The following WDR7 variants were observed in gnomAD, a reference collection of about 807,000 sequenced individuals.
WDR7 encodes the protein WD repeat domain 7, also known as WD repeat-containing protein 7.
In WDR7, 46 loss-of-function variants were observed where a neutral mutation model predicts 169.4. That is an observed-to-expected ratio of 0.27 (90% CI 0.21 to 0.35). The LOEUF is 0.35. WDR7 is among the 10% of genes least tolerant of loss of function. WDR7 has a pLI of 1.00. For synonymous variants in WDR7, 612 were observed against 666.8 expected (o/e 0.92, Z 1.27); for missense variants, 1,534 against 1,859.3 (o/e 0.83, Z 3.22).
intron 26 of WDR7, among the ~76,000 whole-genome samples, chr18:57,001,931 C>G (rs764712764): frequency 6.6e-6 from 1 of 152,204 alleles, no homozygotes; most frequent in East Asian, 1.9e-4. Flanking sequence ...AACTAGAAAA[C>G]TGGGCCTGTC....
In WDR7 at chr18:56,686,013, C is replaced by T. The variant is rs377392869; in HGVS notation, c.578C>T (p.Ser193Leu). The T allele has an allele frequency of 9.4e-6, 15 of 1,594,046 alleles. No individual in the cohort carries two copies. Among genetic ancestry groups the T allele is most frequent in the Middle Eastern group, 1.7e-4 (1 of 6,024 alleles). Residue 193 changes from serine to leucine, a missense_variant, in exon 6 of 28, where the codon TCG (serine) becomes TTG (leucine). By Grantham distance (145) the Ser-to-Leu change is moderately radical (BLOSUM62 -2). Transcript: ENST00000254442. Reference protein sequence around the residue: ...TGILKVWIVTSEISDMQDTEP... With the variant: ...TGILKVWIVTLEISDMQDTEP... ...ATCCTGAAGGTCTGGATTGTTACCT[C>T]GGAAATAAGTGACATGCAGGTGAGA...
intron 14 of WDR7, among the ~76,000 whole-genome samples, chr18:56,754,313 ATATATATGTGTGTATATATACG>A (rs1434770670): frequency 6.8e-6 from 1 of 147,824 alleles, no homozygotes; most frequent in Non-Finnish European, 1.5e-5. Context: ...ATGTATATAC[ATATATATGTGTGTATATATACG>A]TATATATGTG....
chr18:56,979,139 G>T (rs1316918228), intron 26 of WDR7, among the ~76,000 whole-genome samples: 1 of 152,058 alleles, frequency 6.6e-6, no homozygotes, highest in Non-Finnish European at 1.5e-5. Context: ...AATGATTTTT[G>T]CCTATATATG....
chr18:56,761,774 T>C (rs939614797), intron 16 of WDR7, among the ~76,000 whole-genome samples: 2 of 151,990 alleles, frequency 1.3e-5, no homozygotes, highest in African/African-American at 4.8e-5. Context: ...TAACTGGTAA[T>C]GTTTAGCTAT....
chr18:56,731,302 T>G, intron 13 of WDR7, 81 bp from the exon 14 acceptor site: 1 of 1,480,364 alleles, frequency 6.8e-7, no homozygotes, highest in Non-Finnish European at 9.0e-7. Flanking sequence ...CTTAAAAAAT[T>G]TTCATACCAT....
At chr18:57,008,142 G>A (rs182455645) in intron 26 of WDR7, among the ~76,000 whole-genome samples, 109 of 151,972 alleles carry the variant, frequency 7.2e-4, no homozygotes, top group Non-Finnish European at 1.1e-3. Flanking sequence ...CCCTCCCCAG[G>A]GTCTTCTTTC....
chr18:57,017,078 G>T (rs985285951), intron 26 of WDR7, among the ~76,000 whole-genome samples: 2 of 152,232 alleles, frequency 1.3e-5, no homozygotes, highest in African/African-American at 4.8e-5. Flanking sequence ...TACAAGTTCT[G>T]TGCGATCCGC....
chr18:56,691,253 G>T lies in WDR7; in HGVS notation c.755G>T (p.Gly252Val). The part of the protein sequence containing the change: ...DAGDYSLLCS[G>V]PSENGQTWTG... Reference sequence around the variant, plus strand: ...GGAGACTATTCCTTGTTGTGTTCAGGTCCTAGTGAAAATGGACAGACATGG... The same window carrying T: ...GGAGACTATTCCTTGTTGTGTTCAGTTCCTAGTGAAAATGGACAGACATGG... Residue 252 changes from glycine (G) to valine (V), a missense_variant, in exon 8 of 28, where the codon GGT (glycine) becomes GTT (valine). By Grantham distance (109) the Gly-to-Val change is moderately radical. Coordinates refer to ENST00000254442, the MANE Select transcript of WDR7 (RefSeq NM_015285.3). 6.2e-7 allele frequency: 1 copy of T among 1,610,190 alleles called. No homozygotes were observed. Among genetic ancestry groups the T allele is most frequent in the Non-Finnish European group, 8.5e-7 (1 of 1,179,160 alleles).
intron 19 of WDR7, among the ~76,000 whole-genome samples, chr18:56,814,151 T>C (rs2044924271): frequency 6.6e-6 from 1 of 152,212 alleles, no homozygotes; most frequent in African/African-American, 2.4e-5. Context: ...GAACAATTAC[T>C]TAGCCTCTCT....
In WDR7 at chr18:56,940,011, A is replaced by G. The variant is rs375255154; in HGVS notation, c.4064+618A>G. ...TTTAGAGCCAAAGTGTAGTAACGTT[A>G]TGTTTATTTTTCTTTCAAAGCTGTT... On this transcript the variant is annotated intron_variant, in intron 25 of 27. Coordinates refer to ENST00000254442, the MANE Select transcript of WDR7 (RefSeq NM_015285.3). Among the ~76,000 whole-genome samples, 9 of 151,862 alleles carry G rather than the reference A, an allele frequency of 5.9e-5. No homozygotes were observed. The East Asian group carries it at 1.5e-3, about 26-fold the overall frequency.
chr18:56,767,772 G>T (rs576160880), intron 16 of WDR7, among the ~76,000 whole-genome samples: 13 of 152,228 alleles, frequency 8.5e-5, no homozygotes, highest in African/African-American at 2.9e-4. Context: ...ATGGAAACAG[G>T]CTTATACTGG....
At chr18:56,970,409 T>C (rs1370079612) in intron 26 of WDR7, among the ~76,000 whole-genome samples, 1 of 152,200 alleles carries the variant, frequency 6.6e-6, no homozygotes, top group African/African-American at 2.4e-5. Flanking sequence ...CCTACTGATA[T>C]TCTGTTCTTC....
At chr18:56,884,185 G>T (rs1599128251) in intron 21 of WDR7, among the ~76,000 whole-genome samples, 1 of 152,070 alleles carries the variant, frequency 6.6e-6, no homozygotes, top group East Asian at 1.9e-4. Context: ...ATTATTTTTT[G>T]ATCATGGCCA....
chr18:56,766,756 T>G, intron 16 of WDR7, among the ~76,000 whole-genome samples: 1 of 150,684 alleles, frequency 6.6e-6, no homozygotes, highest in East Asian at 2.0e-4. Flanking sequence ...ATTTGGGTCT[T>G]AAAATTTTTT....
intron 21 of WDR7, among the ~76,000 whole-genome samples, chr18:56,909,957 A>C (rs2046530870): frequency 6.6e-6 from 1 of 152,138 alleles, no homozygotes; most frequent in African/African-American, 2.4e-5. Flanking sequence ...AGCCTGAAAA[A>C]AGATAGCACA....
chr18:56,763,511 G>T (rs1277102503), intron 16 of WDR7, among the ~76,000 whole-genome samples: 2 of 152,124 alleles, frequency 1.3e-5, no homozygotes, highest in Non-Finnish European at 2.9e-5. Flanking sequence ...TTTGTTAAGG[G>T]TGTTCATGTG....
intron 20 of WDR7, among the ~76,000 whole-genome samples, chr18:56,857,768 A>G (rs75223400): frequency 6.6e-6 from 1 of 152,138 alleles, no homozygotes; most frequent in Non-Finnish European, 1.5e-5. Flanking sequence ...AAGCCTGTGA[A>G]TGCTGCTGGG....
chr18:57,009,792 A>T (rs1367952503), intron 26 of WDR7: 8 of 944,222 alleles, frequency 8.5e-6, no homozygotes, highest in Non-Finnish European at 8.8e-6. Flanking sequence ...AAAAAATATA[A>T]ATTCCCTAGC....
chr18:56,879,625 G>T lies in WDR7; in HGVS notation c.3305-319G>T, dbSNP rs142501268. On this transcript the variant is annotated intron_variant, in intron 20 of 27. Coordinates refer to ENST00000254442, the MANE Select transcript of WDR7 (RefSeq NM_015285.3). ...ATGTAAAATTTTTAAAAAATTACTG[G>T]TGCTTTTGGTATCATATCTAAGAAA... is the stretch of plus-strand genomic sequence containing the variant. Among the ~76,000 whole-genome samples the T allele has an allele frequency of 6.0e-3, 906 of 152,102 alleles. 10 individuals carry two copies. The highest frequency in any genetic ancestry group is 0.024 in the Middle Eastern group (7 of 292).
Sources: allele counts gnomAD v4.1 joint callset (sites outside exome capture counted in the v4.1 genomes callset), GRCh38; gene constraint gnomAD v4.1.1; transcripts MANE v1.5; gene names NCBI Gene and HGNC (gene_info 2026-07-23, HGNC 2026-07-21).